MTCH2: variants seen among roughly 807,000 people sequenced by gnomAD.
MTCH2 encodes mitochondrial carrier homolog 2.
A neutral mutation model predicts 50.6 loss-of-function variants in MTCH2; 25 were observed. That is an observed-to-expected ratio of 0.49 (90% CI 0.36 to 0.69). The LOEUF (loss-of-function observed/expected upper bound fraction) is 0.69, where lower values mean the gene tolerates loss of function less well. MTCH2 is among the 30% of genes least tolerant of loss of function. The probability of loss-of-function intolerance (pLI) is 0.00; values close to 1 mark genes in which losing one functional copy is unlikely to be tolerated. For synonymous variants in MTCH2, 106 were observed against 132.0 expected, an observed-to-expected ratio of 0.80 and a Z score of 1.35; for missense variants, 273 against 384.4, an observed-to-expected ratio of 0.71 and a Z score of 2.42.
chr11:47,625,850 T>A, intron 10 of MTCH2, 109 bp from the exon 11 acceptor site: 1 of 746,990 alleles, frequency 1.3e-6, no homozygotes, highest in Non-Finnish European at 2.2e-6. Context: ...CTAACACTTG[T>A]CTCGCTTCAT....
chr11:47,634,078 T>C (rs2097306239), intron 5 of MTCH2, among the ~76,000 whole-genome samples: 1 of 152,074 alleles, frequency 6.6e-6, no homozygotes, highest in Non-Finnish European at 1.5e-5. Flanking sequence ...GGTCGCTATT[T>C]TAATACTTTT....
At chr11:47,630,906 C>A (rs2097302403) in intron 7 of MTCH2, 130 bp downstream of exon 7, 1 of 819,448 alleles carries the variant, frequency 1.2e-6, no homozygotes, top group Non-Finnish European at 1.9e-6. Context: ...GTTTTTTGTG[C>A]AGATCAAATG....
intron 3 of MTCH2, among the ~76,000 whole-genome samples, chr11:47,636,141 A>AC (rs1163503003): frequency 6.6e-6 from 1 of 151,586 alleles, no homozygotes; most frequent in African/African-American, 2.4e-5. Context: ...AAAAAAAAAA[A>AC]GAAAAGGGAA....
chr11:47,630,765 A>G (rs2153799707), intron 7 of MTCH2, 151 bp from the exon 8 acceptor site: 1 of 779,414 alleles, frequency 1.3e-6, no homozygotes, highest in African/African-American at 1.7e-5. Flanking sequence ...AAGATAGCTA[A>G]ATTTGGAGAT....
rs2097310437 is a variant in MTCH2 at position 47,638,279 on chromosome 11, C to T, written c.279+420G>A. 4.7e-5 allele frequency among the ~76,000 whole-genome samples: 7 copies of T among 148,404 alleles called. No homozygotes were observed. In the South Asian group the frequency reaches 1.5e-3, roughly 32 times the overall value. Reference sequence around the variant, plus strand: ...GTAACAGCAACAATTTCACTGAGTCCCGCCGGGCGCGGTGGCTCATGCTTG... The same window carrying T: ...GTAACAGCAACAATTTCACTGAGTCTCGCCGGGCGCGGTGGCTCATGCTTG... On this transcript the variant is annotated intron_variant, in intron 3 of 12. Transcript: ENST00000302503.
rs1339021446 is a variant in MTCH2 at position 47,642,360 on chromosome 11, G to C, written c.87+19C>G. 1.3e-6 allele frequency: 2 copies of C among 1,580,442 alleles called. No individual in the cohort carries two copies. The highest frequency in any genetic ancestry group is 4.8e-5 in the East Asian group (2 of 41,892). On this transcript the variant is annotated intron_variant, in intron 1 of 12. Coordinates refer to ENST00000302503, the MANE Select transcript of MTCH2 (RefSeq NM_014342.4). ...CGAACGGGGCGCCGGGCGGGGTAGG[G>C]AGCGGCGACGCCTCATACCTGGATG...
chr11:47,633,026 C>T (rs1018653088), intron 5 of MTCH2, among the ~76,000 whole-genome samples: 1 of 151,214 alleles, frequency 6.6e-6, no homozygotes. Flanking sequence ...AGACAGCCCT[C>T]ACCCCTTCTC....
At chr11:47,606,310 C>T in the MTCH2 span, among the ~76,000 whole-genome samples, 2 of 152,292 alleles carry the variant, frequency 1.3e-5, no homozygotes, top group South Asian at 2.1e-4. Flanking sequence ...CTGAAAACTG[C>T]CAACCTGACA....
At chr11:47,608,913 G>T in the MTCH2 span, among the ~76,000 whole-genome samples, 1 of 145,066 alleles carries the variant, frequency 6.9e-6, no homozygotes, top group Non-Finnish European at 1.5e-5. Context: ...AGCCGAGATC[G>T]TGCCACTGCC....
intron 11 of MTCH2, among the ~76,000 whole-genome samples, chr11:47,624,686 T>C (rs1489833340): frequency 1.3e-5 from 2 of 152,096 alleles, no homozygotes; most frequent in Non-Finnish European, 2.9e-5. Context: ...TACTCCCAAC[T>C]ACTTGGGAAG....
the MTCH2 span, among the ~76,000 whole-genome samples, chr11:47,607,285 G>A: frequency 1.1e-4 from 17 of 152,194 alleles, no homozygotes; most frequent in Admixed American, 1.3e-4. Context: ...TAGCTTCATG[G>A]AGTCTCACGT....
In MTCH2 at chr11:47,638,969, T is replaced by C; in HGVS notation, c.170A>G (p.Tyr57Cys). The change falls in exon 2 of 13, where the codon TAT (tyrosine) becomes TGT (cysteine). Residue 57 changes from tyrosine to cysteine, a missense_variant and splice_region_variant. Physicochemically the swap from Tyr to Cys is radical, Grantham distance 194. Around this residue, in one of 2 missense-constraint regions of MTCH2, gnomAD observed 203 missense variants for 244.3 expected, o/e 0.83. Transcript: ENST00000302503. ...QVCQLPGLFS[Y>C]AQHIASIDGR... is the part of the protein sequence containing the mutation. The stretch of plus-strand genomic sequence containing the variant: ...CCAAATAAATCAAAGGCACTTACCA[T>C]AACTAAAGAGACCAGGAAGCTGACA... 1 of 1,612,310 alleles carries C rather than the reference T, an allele frequency of 6.2e-7. No homozygotes were observed. Among genetic ancestry groups the C allele is most frequent in the Non-Finnish European group, 8.5e-7 (1 of 1,178,932 alleles).
chr11:47,608,565 C>G, the MTCH2 span, among the ~76,000 whole-genome samples: 6 of 152,296 alleles, frequency 3.9e-5, no homozygotes, highest in African/African-American at 1.4e-4. Context: ...ACAACAGACA[C>G]AGAGAGCAGC....
the MTCH2 span, among the ~76,000 whole-genome samples, chr11:47,605,634 T>C: frequency 1.3e-5 from 2 of 152,176 alleles, no homozygotes; most frequent in South Asian, 2.1e-4. Context: ...GAACTAGAGA[T>C]ACTTCCTCAG....
intron 11 of MTCH2, among the ~76,000 whole-genome samples, chr11:47,623,157 G>T (rs1229335420): frequency 1.3e-5 from 2 of 151,932 alleles, no homozygotes; most frequent in African/African-American, 4.8e-5. Context: ...GATCATTTGA[G>T]GTCAGGAGTT....
intron 5 of MTCH2, among the ~76,000 whole-genome samples, chr11:47,633,110 C>T (rs1213730014): frequency 1.0e-5 from 1 of 98,114 alleles, no homozygotes; most frequent in Admixed American, 1.6e-4. Flanking sequence ...TACATGTATC[C>T]CTGCTTTTTT....
At chr11:47,641,158 T>A (rs2097313819) in intron 1 of MTCH2, among the ~76,000 whole-genome samples, 1 of 152,108 alleles carries the variant, frequency 6.6e-6, no homozygotes, top group Non-Finnish European at 1.5e-5. Flanking sequence ...CCTCCCAAAG[T>A]GCTGGGAAGG....
intron 1 of MTCH2, 82 bp downstream of exon 1, chr11:47,642,297 G>T: frequency 8.0e-7 from 1 of 1,249,384 alleles, no homozygotes; most frequent in Non-Finnish European, 1.1e-6. Context: ...AGGCCCGCAA[G>T]GCTGAGCCGA....
At chr11:47,609,647 A>G in the MTCH2 span, among the ~76,000 whole-genome samples, 15 of 143,588 alleles carry the variant, frequency 1.0e-4, no homozygotes, top group Admixed American at 6.9e-4. Context: ...AAAAAAAAAA[A>G]AAAAGAAAAG....
Sources: gnomAD v4.1 joint callset for allele counts (sites outside exome capture counted in the v4.1 genomes callset) on GRCh38, gnomAD v4.1.1 for gene constraint, gnomAD v4.1.1 regional missense constraint, MANE v1.5 for transcripts, NCBI Gene and HGNC (gene_info 2026-07-23, HGNC 2026-07-21) for gene names.